Variants in CDIN1 observed in about 807,000 individuals in gnomAD.
The protein encoded by CDIN1 is CDAN1 interacting nuclease 1.
CDIN1 carries 33 observed loss-of-function variants against 45.3 expected under a neutral mutation model. The ratio of observed to expected loss-of-function variants is 0.73; its 90% CI spans 0.55 to 0.97. The LOEUF (loss-of-function observed/expected upper bound fraction) is 0.97, where lower values mean the gene tolerates loss of function less well. CDIN1 is among the 50% of genes least tolerant of loss of function. CDIN1 has a pLI of 0.00. For missense variants in CDIN1, 303 were observed against 339.4 expected (o/e 0.89, Z 0.84); for synonymous variants, 118 against 124.4 (o/e 0.95, Z 0.34).
chr15:36,675,924 G>A (rs2041633072), intron 5 of CDIN1, among the ~76,000 whole-genome samples: 1 of 152,062 alleles, frequency 6.6e-6, no homozygotes, highest in Admixed American at 6.6e-5. Context: ...TCGTTGCATA[G>A]GTTGTTTGAC....
At chr15:36,639,498 A>T (rs2140383885) in intron 1 of CDIN1, among the ~76,000 whole-genome samples, 1 of 152,210 alleles carries the variant, frequency 6.6e-6, no homozygotes, top group African/African-American at 2.4e-5. Flanking sequence ...CTGAGACAGG[A>T]CAATAGCTTG....
chr15:36,687,460 C>T (rs1025483944), intron 5 of CDIN1, among the ~76,000 whole-genome samples: 1 of 151,992 alleles, frequency 6.6e-6, no homozygotes, highest in Non-Finnish European at 1.5e-5. Context: ...CAGATCCTAT[C>T]CAAAAGAAAA....
chr15:36,756,251 C>G (rs1272608475), intron 10 of CDIN1: 1 of 385,104 alleles, frequency 2.6e-6, no homozygotes, highest in Non-Finnish European at 5.1e-6. Flanking sequence ...CTGACTGGCA[C>G]ATTTGGCAGT....
intron 10 of CDIN1, among the ~76,000 whole-genome samples, chr15:36,753,000 G>A (rs1272880726): frequency 6.6e-5 from 10 of 152,106 alleles, no homozygotes; most frequent in Admixed American, 3.3e-4. Context: ...GAAGAGAGAC[G>A]TATGATATTT....
At chr15:36,786,488 C>G (rs16964068) in intron 10 of CDIN1, among the ~76,000 whole-genome samples, 76,602 of 151,940 alleles carry the variant, frequency 0.5, 19,571 homozygotes, top group Admixed American at 0.58. Context: ...TTTTTATTCT[C>G]TCAGTATTGT....
intron 10 of CDIN1, among the ~76,000 whole-genome samples, chr15:36,805,763 T>C (rs1474643239): frequency 1.3e-5 from 2 of 152,182 alleles, no homozygotes; most frequent in Non-Finnish European, 2.9e-5. Context: ...AATCTCTGGA[T>C]CCTGAGCTGT....
chr15:36,760,308 A>G (rs1869886723), intron 10 of CDIN1, among the ~76,000 whole-genome samples: 1 of 152,200 alleles, frequency 6.6e-6, no homozygotes, highest in Non-Finnish European at 1.5e-5. Flanking sequence ...AATCTGTGTT[A>G]TAAATGCATA....
At chr15:36,724,489 A>G (rs993911923) in intron 10 of CDIN1, among the ~76,000 whole-genome samples, 2 of 152,178 alleles carry the variant, frequency 1.3e-5, no homozygotes, top group Non-Finnish European at 2.9e-5. Context: ...AATTGGGAAT[A>G]GAAAGTAATG....
chr15:36,713,294 A>G (rs546091060), intron 10 of CDIN1, among the ~76,000 whole-genome samples: 28 of 152,270 alleles, frequency 1.8e-4, no homozygotes, highest in African/African-American at 5.5e-4. Context: ...GGAAATTGCA[A>G]CTGCAAGTTT....
rs1230388994 is a variant in CDIN1, at chr15:36,692,169, T to A, written c.470T>A (p.Ile157Asn). The A allele has an allele frequency of 6.2e-6, 10 of 1,613,680 alleles. No individual in the cohort carries two copies. The highest frequency in any genetic ancestry group is 7.6e-6 in the Non-Finnish European group (9 of 1,179,784). The part of the protein sequence containing the change: ...DCCYGPLVDC[I>N]KHAIGHEHEV... ...TGTTACGGACCACTAGTGGACTGCATCAAGCAGTATCCTTTCCCATAAAAT... is the reference window on the plus strand; with the variant it reads ...TGTTACGGACCACTAGTGGACTGCAACAAGCAGTATCCTTTCCCATAAAAT... The change falls in exon 7 of 11, where the codon ATC (isoleucine) becomes AAC (asparagine). Residue 157 changes from isoleucine to asparagine, a missense_variant. By Grantham distance (149) the Ile-to-Asn change is moderately radical. Transcript: ENST00000566621.
chr15:36,618,407 T>C, intron 1 of CDIN1: 1 of 739,036 alleles, frequency 1.4e-6, no homozygotes, highest in Non-Finnish European at 2.4e-6. Context: ...ATGGGGACTA[T>C]GGTAGGGGCA....
chr15:36,698,347 G>A (rs576170418), intron 8 of CDIN1, among the ~76,000 whole-genome samples: 13 of 152,172 alleles, frequency 8.5e-5, no homozygotes, highest in Non-Finnish European at 1.9e-4. Context: ...TTTGAAGCTT[G>A]GAGATATCAT....
At chr15:36,670,018 A>C (rs2041389072) in intron 5 of CDIN1, among the ~76,000 whole-genome samples, 1 of 151,900 alleles carries the variant, frequency 6.6e-6, no homozygotes, top group Non-Finnish European at 1.5e-5. Flanking sequence ...GAATGATTAA[A>C]CTCTGCCTTC....
At chr15:36,747,464 GGTAA>G (rs2044487280) in intron 10 of CDIN1, among the ~76,000 whole-genome samples, 2 of 152,196 alleles carry the variant, frequency 1.3e-5, no homozygotes, top group African/African-American at 4.8e-5. Context: ...CATTCATAAA[GGTAA>G]GTGTCTTTAT....
chr15:36,650,402 TTTTATTTA>T (rs138686194), intron 3 of CDIN1, among the ~76,000 whole-genome samples: 27,485 of 142,384 alleles, frequency 0.19, 2,717 homozygotes, highest in Middle Eastern at 0.24. Context: ...TTGAGAAAAT[TTTTATTTA>T]TTTATTTATT....
chr15:36,778,170 C>G (rs79608761), intron 10 of CDIN1, among the ~76,000 whole-genome samples: 3,525 of 152,190 alleles, frequency 0.023, 146 homozygotes, highest in African/African-American at 0.079. Flanking sequence ...GCTTTGTCAC[C>G]GTCAGGTCTT....
At chr15:36,692,010 T>C (rs1227939574) in intron 6 of CDIN1, 116 bp from the exon 7 acceptor site, 1 of 1,067,128 alleles carries the variant, frequency 9.4e-7, no homozygotes, top group Non-Finnish European at 1.3e-6. Flanking sequence ...GATAGCTTTC[T>C]TTTTTTGGGG....
chr15:36,686,536 G>A (rs934441303), intron 5 of CDIN1, among the ~76,000 whole-genome samples: 20 of 148,418 alleles, frequency 1.3e-4, no homozygotes, highest in Non-Finnish European at 1.9e-4. Flanking sequence ...ATGTGCACAT[G>A]TACCCTAAAA....
intron 1 of CDIN1, among the ~76,000 whole-genome samples, chr15:36,599,990 T>C (rs924437379): frequency 6.6e-6 from 1 of 152,194 alleles, no homozygotes; most frequent in African/African-American, 2.4e-5. Context: ...AAATCATGGG[T>C]GCATCTTGGG....
Sources: allele counts gnomAD v4.1 joint callset (sites outside exome capture counted in the v4.1 genomes callset), GRCh38; gene constraint gnomAD v4.1.1; transcripts MANE v1.5; gene names NCBI Gene and HGNC (gene_info 2026-07-23, HGNC 2026-07-21).